The following FASN variants were observed in gnomAD, a reference collection of about 807,000 sequenced individuals.
FASN encodes 3-hydroxyacyl-[acyl-carrier-protein] dehydratase.
Under a neutral mutation model 250.0 loss-of-function variants are expected in FASN, and 50 were observed. That is an observed-to-expected ratio of 0.20 (90% CI 0.16 to 0.25). The LOEUF (loss-of-function observed/expected upper bound fraction) is 0.25. FASN is among the 10% of genes least tolerant of loss of function. The pLI is 1.00. For synonymous variants in FASN, 1,909 were observed against 1,584.0 expected, an observed-to-expected ratio of 1.21 and a Z score of -4.87; for missense variants, 3,031 against 3,498.5, an observed-to-expected ratio of 0.87 and a Z score of 3.37.
rs2033950166 is a variant in FASN at position 82,079,516 on chromosome 17, G to GAC, written c.7238_7239insGT (p.Gln2414SerfsTer4). 1.9e-6 allele frequency: 3 copies of GAC among 1,611,798 alleles called. No individual in the cohort carries two copies. The highest frequency in any genetic ancestry group is 2.5e-6 in the Non-Finnish European group (3 of 1,179,968). On this transcript the variant is annotated frameshift_variant, in exon 42 of 43. Transcript: ENST00000306749. LOFTEE classifies it high-confidence loss of function. The stretch of plus-strand genomic sequence containing the variant: ...ACCGGGCCGCAAAGCTCAGCTCCTG[G>GAC]CGGTCCAGGCCCTGGTGGCTCTTGA...
Position 82,080,221 on chromosome 17 carries a change from C to A in FASN, c.7065G>T (p.Leu2355=), listed in dbSNP as rs2033962524. 6.2e-7 allele frequency: 1 copy of A among 1,613,144 alleles called. No individual in the cohort carries two copies. Among genetic ancestry groups the A allele is most frequent in the African/African-American group, 1.3e-5 (1 of 75,064 alleles). The stretch of plus-strand genomic sequence containing the variant: ...CAGCCTCAGCCTCACAGCCTGGGGT[C>A]AGCTTTGCCCGGTAGCTCTGAGAGG... ...LAYTQSYRAK[L]TPGCEAEAET... The change falls in exon 41 of 43, where the codon CTG becomes CTT. Residue 2355 remains leucine, a synonymous_variant. Transcript: ENST00000306749.
At chr17:82,095,225 C>CACCTGGTT in intron 3 of FASN, 95 bp downstream of exon 3, 2 of 1,422,924 alleles carry the variant, frequency 1.4e-6, no homozygotes, top group Admixed American at 3.3e-5. Flanking sequence ...GTGGTGCCAG[C>CACCTGGTT]ACCTGGTTCT....
chr17:82,092,593 T>C lies in FASN; in HGVS notation c.895-4A>G. ...TCAGCTCCTGGGGGTCGCCCACCTG[T>C]GGGAAACATGGGGGGTGAGGGGCTC... On this transcript the variant is annotated splice_region_variant and splice_polypyrimidine_tract_variant and intron_variant, in intron 7 of 42. Transcript: ENST00000306749. 6.3e-7 allele frequency: 1 copy of C among 1,590,370 alleles called. No homozygotes were observed. The highest frequency in any genetic ancestry group is 8.5e-7 in the Non-Finnish European group (1 of 1,173,050).
rs544199530 is a variant in FASN at position 82,090,801 on chromosome 17, C to A, written c.1680+81G>T. 5.6e-5 allele frequency: 84 copies of A among 1,500,230 alleles called. No homozygotes were observed. In the African/African-American group the frequency reaches 1.0e-3, roughly 19 times the overall value. The allele number at this position is 1,500,230 out of a possible 1,614,324, so 92.9% of individuals were successfully genotyped here. A position where few individuals can be genotyped will look rare whatever the true frequency, so the allele number is the denominator to read the frequency against. On this transcript the variant is annotated intron_variant, in intron 10 of 42. Transcript: ENST00000306749. ...AAGGGGCTGTCAGGGGCCCCGGACTCAACACTGCAGCTCCTGGGCTCCAGG... is the reference window on the plus strand; with the variant it reads ...AAGGGGCTGTCAGGGGCCCCGGACTAAACACTGCAGCTCCTGGGCTCCAGG...
In FASN at chr17:82,080,766, T is replaced by C; in HGVS notation, c.6752A>G (p.Glu2251Gly). 6.2e-7 allele frequency: 1 copy of C among 1,603,898 alleles called. No homozygotes were observed. The highest frequency in any genetic ancestry group is 8.5e-7 in the Non-Finnish European group (1 of 1,176,514). The stretch of plus-strand genomic sequence containing the variant: ...GCTGTGGAACACGGTGGTGGAGCCC[T>C]CGATTGGGTGCACCAGGAACAGGGG... ...ERPLFLVHPI[E>G]GSTTVFHSLA... is the part of the protein sequence containing the mutation. Residue 2251 changes from glutamate (E) to glycine (G), a missense_variant, in exon 39 of 43, where the codon GAG becomes GGG. Physicochemically the swap from Glu to Gly is moderately conservative, Grantham distance 98. Transcript: ENST00000306749.
At position 82,081,707 on chromosome 17, in the gene FASN, G is replaced by A. The variant is rs1293906173; in HGVS notation, c.6300C>T (p.Asn2100=). The change falls in exon 37 of 43, where the codon AAC becomes AAT. Residue 2100 remains asparagine (N), a synonymous_variant. Transcript: ENST00000306749. ...SCLEVLDLFL[N]QPHMVLSSFV... ...AGCTGCTCAGGACCATGTGGGGCTG[G>A]TTCAGGAAGAGGTCCAGCACCTCCA... The A allele has an allele frequency of 6.2e-7, 1 of 1,612,746 alleles. No homozygotes were observed. The highest frequency in any genetic ancestry group is 8.5e-7 in the Non-Finnish European group (1 of 1,179,998).
chr17:82,096,501 C>T (rs1186127858), intron 1 of FASN, 49 bp from the exon 2 acceptor site: 29 of 1,602,844 alleles, frequency 1.8e-5, no homozygotes, highest in Non-Finnish European at 2.1e-5. Flanking sequence ...CCACGACACC[C>T]CCGTCAACAG....
At position 82,088,528 on chromosome 17, in the gene FASN, C is replaced by T. The variant is rs1208265247; in HGVS notation, c.2455G>A (p.Val819Met). 2 of 1,607,364 alleles carry T rather than the reference C, an allele frequency of 1.2e-6. No homozygotes were observed. The highest frequency in any genetic ancestry group is 1.7e-6 in the Non-Finnish European group (2 of 1,176,160). The change falls in exon 16 of 43, where the codon GTG becomes ATG. Residue 819 changes from valine to methionine, a missense_variant. Coordinates refer to ENST00000306749, the MANE Select transcript of FASN (RefSeq NM_004104.5). ...GTTCCTCGGGGAGCTGGGAACTCCA[C>T]AGGTGGGAACAAGGCATTGGGGTTG... Reference protein sequence around the residue: ...DANPNALFPPVEFPAPRGTPL... With the variant: ...DANPNALFPPMEFPAPRGTPL...
In FASN at chr17:82,087,103, T is replaced by C; in HGVS notation, c.3374A>G (p.Glu1125Gly). 1 of 1,611,930 alleles carries C rather than the reference T, an allele frequency of 6.2e-7. No homozygotes were observed. Residue 1125 changes from glutamate to glycine, a missense_variant, in exon 21 of 43, where the codon GAG becomes GGG. Glu to Gly is a moderately conservative substitution (Grantham distance 98, BLOSUM62 -2). Coordinates refer to ENST00000306749, the MANE Select transcript of FASN (RefSeq NM_004104.5). ...EKFCFTPHTE[E>G]GCLSERAALQ... Reference sequence around the variant, plus strand: ...GGCAGCGCGCTCAGACAGGCACCCCTCCTCCGTGTGGGGAGTGAAGCAAAA... The same window carrying C: ...GGCAGCGCGCTCAGACAGGCACCCCCCCTCCGTGTGGGGAGTGAAGCAAAA...
At position 82,088,406 on chromosome 17, in the gene FASN, G is replaced by T. The variant is rs778504673; in HGVS notation, c.2577C>A (p.Ala859=). ...CCTGCTCACCGATGTTGTAGATGGCGGCTGAGGGGGAACCTGAACCGTTGG... is the reference window on the plus strand; with the variant it reads ...CCTGCTCACCGATGTTGTAGATGGCTGCTGAGGGGGAACCTGAACCGTTGG... The part of the protein sequence containing the change: ...DFPNGSGSPS[A]AIYNIDTSSE... Residue 859 remains alanine (A), a synonymous_variant, in exon 16 of 43, where the codon GCC becomes GCA. Transcript: ENST00000306749. 5.6e-6 allele frequency: 9 copies of T among 1,612,278 alleles called. No individual in the cohort carries two copies. The highest frequency in any genetic ancestry group is 4.4e-5 in the South Asian group (4 of 91,066).
rs376946680 is a variant in FASN at position 82,083,108 on chromosome 17, G to A, written c.5573C>T (p.Ala1858Val). Residue 1858 changes from alanine to valine, a missense_variant, in exon 33 of 43, where the codon GCG becomes GTG. By Grantham distance (64) the Ala-to-Val change is moderately conservative (BLOSUM62 0). Transcript: ENST00000306749. ...HIGKVVVQVLAEEPEAVLKGA... is the reference protein window; with the variant it reads ...HIGKVVVQVLVEEPEAVLKGA... ...CTTCAGCACTGCCTCCGGCTCCTCCGCAAGCACCTGCGTCCAAGCAGCACC... is the reference window on the plus strand; with the variant it reads ...CTTCAGCACTGCCTCCGGCTCCTCCACAAGCACCTGCGTCCAAGCAGCACC... The A allele has an allele frequency of 2.3e-5, 37 of 1,609,908 alleles. No homozygotes were observed. The Admixed American group carries it at 4.0e-4, about 17-fold the overall frequency.
At chr17:82,085,908 G>A (rs771176602) in intron 22 of FASN, 37 bp from the exon 23 acceptor site, 1 of 1,497,060 alleles carries the variant, frequency 6.7e-7, no homozygotes, top group Admixed American at 2.1e-5. Context: ...CCCCACACCA[G>A]GCAGGTGCCC....
chr17:82,093,072 C>T, intron 5 of FASN, 53 bp from the exon 6 acceptor site: 2 of 1,606,208 alleles, frequency 1.2e-6, no homozygotes, highest in Non-Finnish European at 1.7e-6. Context: ...CGGCCCCCAC[C>T]CCACCAGGAG....
At position 82,090,398 on chromosome 17, in the gene FASN, G is replaced by A. The variant is rs903642159; in HGVS notation, c.1847C>T (p.Pro616Leu). 15 of 1,595,412 alleles carry A rather than the reference G, an allele frequency of 9.4e-6. No individual in the cohort carries two copies. The highest frequency in any genetic ancestry group is 5.3e-5 in the Admixed American group (3 of 56,972). ...ACCCACGGCTGCCATGGCGCCCGGC[G>A]GGAGATGGGCTTCTTTGATGCACTG... ...RGQCIKEAHLPPGAMAAVGLS... is the reference protein window; with the variant it reads ...RGQCIKEAHLLPGAMAAVGLS... The change falls in exon 11 of 43, where the codon CCG becomes CTG. Residue 616 changes from proline (P) to leucine (L), a missense_variant. By Grantham distance (98) the Pro-to-Leu change is moderately conservative. Coordinates refer to ENST00000306749, the MANE Select transcript of FASN (RefSeq NM_004104.5).
rs1289137245 is a variant in FASN, at chr17:82,091,265, C to T, written c.1449G>A (p.Gln483=). The part of the protein sequence containing the change: ...LGGERGGPEV[Q]QVPAGERPLW... ...GCGGGCGCTCGCCAGCGGGCACCTG[C>T]TGCACCTCTGGGCCACCGCGCTCAC... Residue 483 remains glutamine (Q), a synonymous_variant, in exon 9 of 43, where the codon CAG becomes CAA. Coordinates refer to ENST00000306749, the MANE Select transcript of FASN (RefSeq NM_004104.5). 9 of 1,603,640 alleles carry T rather than the reference C, an allele frequency of 5.6e-6. No individual in the cohort carries two copies. Among genetic ancestry groups the T allele is most frequent in the Non-Finnish European group, 7.7e-6 (9 of 1,175,388 alleles).
chr17:82,095,590 T>C (rs62078745), intron 2 of FASN, 118 bp from the exon 3 acceptor site: 150,490 of 1,278,704 alleles, frequency 0.12, 9,780 homozygotes, highest in Non-Finnish European at 0.13. Context: ...CTGCTATGCC[T>C]GGGAGGCCCA....
rs1253152295 is a variant in FASN at position 82,087,841 on chromosome 17, C to A, written c.2887G>T (p.Asp963Tyr). 6.2e-7 allele frequency: 1 copy of A among 1,612,656 alleles called. No individual in the cohort carries two copies. Among genetic ancestry groups the A allele is most frequent in the South Asian group, 1.1e-5 (1 of 91,084 alleles). ...TGGTCGAAGAGCCTGGGGTCAGGGT[C>A]ATCCCACTGGTACACCTTCCCTGTG... Reference protein sequence around the residue: ...VVSGKVYQWDDPDPRLFDHPE... With the variant: ...VVSGKVYQWDYPDPRLFDHPE... Residue 963 changes from aspartate to tyrosine, a missense_variant, in exon 19 of 43, where the codon GAC (aspartate) becomes TAC (tyrosine). By Grantham distance (160) the Asp-to-Tyr change is radical. Transcript: ENST00000306749.
Position 82,090,698 on chromosome 17 carries a change from C to T in FASN, c.1681-134G>A, listed in dbSNP as rs2034189252. On this transcript the variant is annotated intron_variant, in intron 10 of 42. Coordinates refer to ENST00000306749, the MANE Select transcript of FASN (RefSeq NM_004104.5). Reference sequence around the variant, plus strand: ...CCAGGTCTCCTGATAGGAAAGAAGCCCCTATGGCCCCCACACAGCCCCACT... The same window carrying T: ...CCAGGTCTCCTGATAGGAAAGAAGCTCCTATGGCCCCCACACAGCCCCACT... 5 of 1,040,384 alleles carry T rather than the reference C, an allele frequency of 4.8e-6. No homozygotes were observed. In the Admixed American group the frequency reaches 1.0e-4, roughly 21 times the overall value. The allele number at this position is 1,040,384 out of a possible 1,614,324, so 64.4% of individuals were successfully genotyped here. A position where few individuals can be genotyped will look rare whatever the true frequency, so the allele number is the denominator to read the frequency against.
chr17:82,090,265 G>A (rs2034178535), intron 11 of FASN, 110 bp downstream of exon 11: 4 of 1,104,292 alleles, frequency 3.6e-6, no homozygotes, highest in African/African-American at 1.6e-5. Flanking sequence ...CCGGGCCAGC[G>A]GGGGCCACTC....
Sources: allele counts gnomAD v4.1 joint callset, GRCh38; gene constraint gnomAD v4.1.1; transcripts MANE v1.5; gene names NCBI Gene and HGNC (gene_info 2026-07-23, HGNC 2026-07-21).